TSPAN1: variants seen among roughly 807,000 people sequenced by gnomAD.
TSPAN1 encodes tetraspanin-1.
In TSPAN1, 23 loss-of-function variants were observed where a neutral mutation model predicts 26.9. The observed-to-expected ratio is 0.85, with a 90% CI of 0.62 to 1.21. TSPAN1 has a LOEUF of 1.21. TSPAN1 is among the 50% of genes most tolerant of loss of function. The probability of loss-of-function intolerance (pLI) is 0.00; values close to 1 mark genes in which losing one functional copy is unlikely to be tolerated. For missense variants in TSPAN1, 283 were observed against 298.4 expected (o/e 0.95, Z 0.38); for synonymous variants, 115 against 114.8 (o/e 1.00, Z -0.01).
At chr1:46,189,121 C>T (rs1657538953), downstream of TSPAN1, 4 of 1,492,464 alleles carry the variant, frequency 2.7e-6, no homozygotes, top group Non-Finnish European at 3.6e-6. Context: ...CAGGGGAACC[C>T]TCCCCTTGGA....
intron 1 of TSPAN1, among the ~76,000 whole-genome samples, chr1:46,179,935 G>A (rs944382332): frequency 7.1e-6 from 1 of 141,658 alleles, no homozygotes; most frequent in African/African-American, 3.1e-5. Context: ...CCTTGAAAGT[G>A]AGTGAGAGAC....
At chr1:46,179,074 C>T (rs571800550) in intron 1 of TSPAN1, among the ~76,000 whole-genome samples, 137 of 152,176 alleles carry the variant, frequency 9.0e-4, no homozygotes, top group Non-Finnish European at 1.2e-3. Flanking sequence ...TGCCTGTAAT[C>T]CCATCACTTT....
the TSPAN1 span, among the ~76,000 whole-genome samples, chr1:46,196,381 G>C: frequency 6.6e-6 from 1 of 152,164 alleles, no homozygotes; most frequent in Non-Finnish European, 1.5e-5. This position sits in a 1 kb window ranked among gnomAD's most constrained non-coding sequence, Gnocchi z 4.4. Flanking sequence ...AACCCCTCAA[G>C]GTAGGGCCAG....
chr1:46,186,897 C>T (rs974551866), downstream of TSPAN1, among the ~76,000 whole-genome samples: 9 of 152,014 alleles, frequency 5.9e-5, 1 homozygote, highest in Non-Finnish European at 1.2e-4. Flanking sequence ...CTCCTGACCT[C>T]GTGATCCACT....
chr1:46,192,018 A>G, the TSPAN1 span: 2 of 1,509,858 alleles, frequency 1.3e-6, no homozygotes, highest in Non-Finnish European at 1.8e-6. Flanking sequence ...CAAGTAGCAG[A>G]GCTAAGATTG....
the TSPAN1 span, chr1:46,193,840 C>T: frequency 6.2e-7 from 1 of 1,613,834 alleles, no homozygotes; most frequent in Non-Finnish European, 8.5e-7. Flanking sequence ...GGGTATAGCC[C>T]ATTCCCAGGC....
chr1:46,190,417 A>G (rs1188555305), downstream of TSPAN1: 1 of 1,519,646 alleles, frequency 6.6e-7, no homozygotes, highest in Non-Finnish European at 9.1e-7. Context: ...TGGGGCCAAG[A>G]TCCCCAGTAT....
At chr1:46,191,141 G>A in the TSPAN1 span, 2 of 347,754 alleles carry the variant, frequency 5.8e-6, no homozygotes, top group Non-Finnish European at 1.1e-5. Flanking sequence ...GGGACGGGCT[G>A]GGCTGGGAAG....
intron 1 of TSPAN1, chr1:46,176,552 C>T: frequency 6.8e-7 from 1 of 1,480,004 alleles, no homozygotes; most frequent in Middle Eastern, 1.9e-4. Flanking sequence ...ACAAAGTCTG[C>T]ATAAGGGCAG....
Position 46,179,314 on chromosome 1 carries a change from G to GA in TSPAN1, c.-141-1195dup, listed in dbSNP as rs746283866. Among the ~76,000 whole-genome samples the GA allele has an allele frequency of 9.7e-3, 1,225 of 126,462 alleles. 15 individuals carry two copies. Among genetic ancestry groups the GA allele is most frequent in the African/African-American group, 0.028 (950 of 33,904 alleles). The allele number at this position is 126,462 out of a possible 152,430, so 83.0% of individuals were successfully genotyped here. On this transcript the variant is annotated intron_variant, in intron 1 of 8. Transcript: ENST00000372003. ...GGCAACAGAGCAAGACCCTGTCTCA[G>GA]AAAAAAAAAAAAAAAAATCAACTTC...
downstream of TSPAN1, among the ~76,000 whole-genome samples, chr1:46,186,306 C>T (rs575336865): frequency 6.6e-6 from 1 of 152,166 alleles, no homozygotes; most frequent in Non-Finnish European, 1.5e-5. Flanking sequence ...GAAAGGGTCA[C>T]TCCTTAGGTT....
intron 1 of TSPAN1, among the ~76,000 whole-genome samples, chr1:46,177,702 C>T (rs749968257): frequency 3.9e-5 from 6 of 152,178 alleles, no homozygotes; most frequent in Non-Finnish European, 8.8e-5. Context: ...GCTGGAAATA[C>T]GTGTGTTGGA....
chr1:46,190,080 G>C (rs1657638155), downstream of TSPAN1: 1 of 1,238,420 alleles, frequency 8.1e-7, no homozygotes, highest in Non-Finnish European at 1.1e-6. Flanking sequence ...ATGCTCTGCT[G>C]TTGCCACCTT....
At chr1:46,185,435 T>C in intron 8 of TSPAN1, 51 bp from the exon 9 acceptor site, 1 of 1,612,450 alleles carries the variant, frequency 6.2e-7, no homozygotes, top group Non-Finnish European at 8.5e-7. Flanking sequence ...TGGGACAGGC[T>C]TCAGGATCCC....
In TSPAN1 at chr1:46,185,825, C is replaced by T; in HGVS notation, c.*292C>T. 1 of 510,350 alleles carries T rather than the reference C, an allele frequency of 2.0e-6. No individual in the cohort carries two copies. 31.6% of individuals were successfully genotyped at this position (510,350 alleles called of 1,614,324 possible). A position where few individuals can be genotyped will look rare whatever the true frequency, so the allele number is the denominator to read the frequency against. On this transcript the variant is annotated 3_prime_UTR_variant, in exon 9 of 9. Transcript: ENST00000372003. The stretch of plus-strand genomic sequence containing the variant: ...TTAAACCCTTGATATGCCCCCTAGG[C>T]CTAGTGGTGATCCCAGTGCTCTACT...
the TSPAN1 span, chr1:46,192,595 G>A: frequency 1.2e-6 from 2 of 1,613,918 alleles, no homozygotes; most frequent in Non-Finnish European, 1.7e-6. Context: ...AGGAAACTGA[G>A]AGAGGCAGGG....
chr1:46,195,913 C>T, the TSPAN1 span: 31 of 1,614,106 alleles, frequency 1.9e-5, no homozygotes, highest in Non-Finnish European at 2.5e-5. Flanking sequence ...CACGTTTTGC[C>T]ATCACGTGGC....
chr1:46,186,164 T>A (rs546306429), downstream of TSPAN1, among the ~76,000 whole-genome samples: 3 of 152,236 alleles, frequency 2.0e-5, no homozygotes, highest in South Asian at 6.2e-4. Context: ...AGAAGTACAG[T>A]TGGGTTAGGC....
chr1:46,189,833 G>A, downstream of TSPAN1: 3 of 1,613,440 alleles, frequency 1.9e-6, no homozygotes, highest in Non-Finnish European at 2.5e-6. Context: ...GTTCTCCAGG[G>A]TGGGCATGGT....
Sources: allele counts gnomAD v4.1 joint callset (sites outside exome capture counted in the v4.1 genomes callset), GRCh38; gene constraint gnomAD v4.1.1; non-coding constraint Gnocchi (gnomAD v3.1); transcripts MANE v1.5; gene names NCBI Gene and HGNC (gene_info 2026-07-23, HGNC 2026-07-21).